The following QRFPR variants were observed in gnomAD, a reference collection of about 807,000 sequenced individuals.
QRFPR encodes pyroglutamylated RFamide peptide receptor.
In QRFPR, 37 loss-of-function variants were observed where a neutral mutation model predicts 31.3. The observed-to-expected ratio is 1.18, with a 90% CI of 0.91 to 1.56. The LOEUF (loss-of-function observed/expected upper bound fraction) is 1.56, where lower values mean the gene tolerates loss of function less well. Among genes scored for constraint, QRFPR ranks in the 40% most tolerant of loss-of-function variants. QRFPR has a pLI of 0.00. For synonymous variants in QRFPR, 197 were observed against 192.0 expected, an observed-to-expected ratio of 1.03 and a Z score of -0.22; for missense variants, 542 against 532.5, an observed-to-expected ratio of 1.02 and a Z score of -0.18.
intron 2 of QRFPR, among the ~76,000 whole-genome samples, chr4:121,339,737 T>C (rs1282644189): frequency 6.6e-6 from 1 of 152,096 alleles, no homozygotes; most frequent in Non-Finnish European, 1.5e-5. Context: ...GGGAATGGCT[T>C]GAGCCCAGGA....
chr4:121,373,648 C>T (rs13120526), intron 1 of QRFPR, among the ~76,000 whole-genome samples: 24,579 of 152,088 alleles, frequency 0.16, 2,535 homozygotes, highest in Non-Finnish European at 0.24. Context: ...AATTATATAA[C>T]ACATGTAACT....
chr4:121,343,742 G>T (rs545743302), intron 1 of QRFPR, among the ~76,000 whole-genome samples: 1 of 151,902 alleles, frequency 6.6e-6, no homozygotes, highest in South Asian at 2.1e-4. Context: ...AAATAATTTG[G>T]TTGAAAGGAA....
At chr4:121,353,762 A>T (rs2390137) in intron 1 of QRFPR, among the ~76,000 whole-genome samples, 23,775 of 151,862 alleles carry the variant, frequency 0.16, 2,756 homozygotes, top group East Asian at 0.54. Context: ...TGTGCTTTTG[A>T]GGTTTTACTC....
At chr4:121,369,286 C>T in intron 1 of QRFPR, 1 of 398,852 alleles carries the variant, frequency 2.5e-6, no homozygotes, top group Non-Finnish European at 4.5e-6. Context: ...AACTTGGCCT[C>T]CCAAAGTGTT....
chr4:121,360,498 C>T (rs1170004938), intron 1 of QRFPR, among the ~76,000 whole-genome samples: 5 of 152,134 alleles, frequency 3.3e-5, no homozygotes, highest in South Asian at 2.1e-4. Flanking sequence ...TTTAGGTCAA[C>T]TGTGCTTGCC....
At chr4:121,374,408 CT>C (rs1726312951) in intron 1 of QRFPR, among the ~76,000 whole-genome samples, 1 of 152,100 alleles carries the variant, frequency 6.6e-6, no homozygotes, top group Non-Finnish European at 1.5e-5. Context: ...TTCTTTTAAT[CT>C]TCATATCAGC....
intron 4 of QRFPR, among the ~76,000 whole-genome samples, chr4:121,330,850 G>A (rs1553945556): frequency 6.6e-6 from 1 of 152,142 alleles, no homozygotes; most frequent in Non-Finnish European, 1.5e-5. Context: ...AAGTTAGATG[G>A]CTAGTAAAGG....
chr4:121,329,773 T>G, intron 5 of QRFPR, 59 bp from the exon 6 acceptor site: 1 of 1,198,790 alleles, frequency 8.3e-7, no homozygotes, highest in Non-Finnish European at 1.1e-6. Flanking sequence ...AAATAAAACT[T>G]CTGTTTGTCA....
intron 1 of QRFPR, among the ~76,000 whole-genome samples, chr4:121,351,581 T>A (rs934324187): frequency 5.3e-5 from 8 of 152,150 alleles, no homozygotes; most frequent in Admixed American, 3.9e-4. Context: ...AAATCAGAAA[T>A]AATGGGGTTT....
intron 2 of QRFPR, among the ~76,000 whole-genome samples, chr4:121,339,338 GAA>G (rs1725495451): frequency 6.6e-6 from 1 of 152,180 alleles, no homozygotes; most frequent in Non-Finnish European, 1.5e-5. Flanking sequence ...TATAATTACT[GAA>G]TAGAGAAATG....
At chr4:121,365,573 A>T (rs866530002) in intron 1 of QRFPR, among the ~76,000 whole-genome samples, 1,427 of 6,734 alleles carry the variant, frequency 0.21, 151 homozygotes, top group East Asian at 0.32. Context: ...TATTATATAT[A>T]ATATATATTA....
Position 121,328,951 on chromosome 4 carries a change from T to G in QRFPR, c.*363A>C, listed in dbSNP as rs1418118317. 2 of 156,280 alleles carry G rather than the reference T, an allele frequency of 1.3e-5. No homozygotes were observed. The highest frequency in any genetic ancestry group is 4.8e-5 in the African/African-American group (2 of 41,558). The allele number at this position is 156,280 out of a possible 1,614,324, so 9.7% of individuals were successfully genotyped here. A position where few individuals can be genotyped will look rare whatever the true frequency, so the allele number is the denominator to read the frequency against. Reference sequence around the variant, plus strand: ...TTGTATTTTTAGCAGAGATGGGGTTTCACCGTGTTAGCCAGGATGGTTTTG... The same window carrying G: ...TTGTATTTTTAGCAGAGATGGGGTTGCACCGTGTTAGCCAGGATGGTTTTG... On this transcript the variant is annotated 3_prime_UTR_variant, in exon 6 of 6. Transcript: ENST00000394427.
chr4:121,344,320 G>A (rs2110471811), intron 1 of QRFPR, among the ~76,000 whole-genome samples: 1 of 152,268 alleles, frequency 6.6e-6, no homozygotes, highest in East Asian at 1.9e-4. Flanking sequence ...CTGTGCCCAT[G>A]CTATGTGGCA....
chr4:121,333,611 T>C (rs1357961103), intron 3 of QRFPR, among the ~76,000 whole-genome samples: 2 of 152,282 alleles, frequency 1.3e-5, no homozygotes, highest in East Asian at 3.9e-4. Flanking sequence ...CTGAGATGAA[T>C]GAGAAATTGG....
chr4:121,367,038 C>T (rs980572785), intron 1 of QRFPR, among the ~76,000 whole-genome samples: 10 of 149,988 alleles, frequency 6.7e-5, no homozygotes, highest in East Asian at 4.0e-4. Flanking sequence ...ATTGAGGTGC[C>T]GTCATGTACC....
chr4:121,335,086 C>T (rs1458906545), intron 3 of QRFPR, among the ~76,000 whole-genome samples: 1 of 152,140 alleles, frequency 6.6e-6, no homozygotes, highest in Non-Finnish European at 1.5e-5. Context: ...GCAACTTTGA[C>T]TAGACTCATC....
chr4:121,348,446 T>C (rs1370466168), intron 1 of QRFPR, among the ~76,000 whole-genome samples: 1 of 152,160 alleles, frequency 6.6e-6, no homozygotes, highest in African/African-American at 2.4e-5. Context: ...GACCACTGAC[T>C]TCCAATTTTG....
At chr4:121,337,063 A>G (rs919551488) in intron 2 of QRFPR, among the ~76,000 whole-genome samples, 195 bp from the exon 3 acceptor site, 9 of 152,216 alleles carry the variant, frequency 5.9e-5, no homozygotes, top group African/African-American at 1.9e-4. Flanking sequence ...ACTTCCTAAA[A>G]CAAGTTTTAA....
intron 1 of QRFPR, among the ~76,000 whole-genome samples, chr4:121,373,848 A>T (rs1726299354): frequency 6.6e-6 from 1 of 152,240 alleles, no homozygotes; most frequent in Non-Finnish European, 1.5e-5. Context: ...CATGTTGTGT[A>T]CAGTGAGTGC....
Sources: gnomAD v4.1 joint callset for allele counts (sites outside exome capture counted in the v4.1 genomes callset) on GRCh38, gnomAD v4.1.1 for gene constraint, MANE v1.5 for transcripts, NCBI Gene and HGNC (gene_info 2026-07-23, HGNC 2026-07-21) for gene names.